The following BEAN1 variants were observed in gnomAD, a reference collection of about 807,000 sequenced individuals.
BEAN1 encodes the protein brain expressed associated with NEDD4 1, also known as protein BEAN1.
A neutral mutation model predicts 17.7 loss-of-function variants in BEAN1; 17 were observed. The observed-to-expected ratio is 0.96, with a 90% CI of 0.66 to 1.44. The LOEUF (loss-of-function observed/expected upper bound fraction) is 1.44, where lower values mean the gene tolerates loss of function less well. Among genes scored for constraint, BEAN1 ranks in the 40% most tolerant of loss-of-function variants. The probability of loss-of-function intolerance (pLI) is 0.00; values close to 1 mark genes in which losing one functional copy is unlikely to be tolerated. For missense variants in BEAN1, 359 were observed against 374.1 expected, an observed-to-expected ratio of 0.96 and a Z score of 0.33; for synonymous variants, 142 against 151.8, an observed-to-expected ratio of 0.94 and a Z score of 0.47.
chr16:66,494,960 C>T (rs996062260), downstream of BEAN1, among the ~76,000 whole-genome samples: 45 of 152,300 alleles, frequency 3.0e-4, no homozygotes, highest in African/African-American at 8.4e-4. Flanking sequence ...AACCCAGGGA[C>T]GGCCTCTAGG....
chr16:66,435,977 T>C (rs1007172352), intron 1 of BEAN1, among the ~76,000 whole-genome samples: 2 of 152,124 alleles, frequency 1.3e-5, no homozygotes, highest in Admixed American at 1.3e-4. Context: ...CAATTTGCTT[T>C]AGGGATGAGG....
intron 4 of BEAN1, among the ~76,000 whole-genome samples, chr16:66,488,591 G>A (rs528452382): frequency 6.6e-6 from 1 of 151,672 alleles, no homozygotes; most frequent in South Asian, 2.1e-4. Context: ...CCCAGCTACA[G>A]GGGAGGGTGG....
intron 2 of BEAN1, among the ~76,000 whole-genome samples, chr16:66,441,677 G>C (rs1366097430): frequency 6.6e-6 from 1 of 152,170 alleles, no homozygotes; most frequent in Non-Finnish European, 1.5e-5. Context: ...GTCAGTGCAC[G>C]TGAGGTCTGG....
chr16:66,466,578 G>GTTTTTT (rs1963267532), intron 2 of BEAN1, among the ~76,000 whole-genome samples: 1 of 152,104 alleles, frequency 6.6e-6, no homozygotes, highest in Middle Eastern at 3.4e-3. Flanking sequence ...TTTTGTTTTT[G>GTTTTTT]TTTTGAGATG....
chr16:66,442,917 T>C (rs1567486279), intron 2 of BEAN1, among the ~76,000 whole-genome samples: 1 of 152,114 alleles, frequency 6.6e-6, no homozygotes, highest in Non-Finnish European at 1.5e-5. Flanking sequence ...AGACCAGATG[T>C]TGGTGTTTTT....
chr16:66,480,718 C>T lies in BEAN1; in HGVS notation c.573C>T (p.Gly191=). ...ACTCAGGCAGCGGCCACAGCCCTGG[C>T]CGACACCAGCAGGAGCAGAGGACCC... ...TSDSGSGHSP[G]RHQQEQRTPA... Residue 191 remains glycine (G), a synonymous_variant, in exon 5 of 5, where the codon GGC becomes GGT. Transcript: ENST00000536005. The T allele has an allele frequency of 6.4e-7, 1 of 1,551,660 alleles. No homozygotes were observed.
rs917024906 is a variant in BEAN1, at chr16:66,434,690, T to A, written c.-82-2905T>A. On this transcript the variant is annotated intron_variant, in intron 1 of 4. Transcript: ENST00000536005. The surrounding 1 kb of genome is among the most constrained non-coding windows in gnomAD (Gnocchi z 4.3). ...GGAGGCAGGGAGTGGCAGCCCGGGT[T>A]ACTGTTGGCATCGTGGTCACCAATG... Among the ~76,000 whole-genome samples the A allele has an allele frequency of 6.6e-6, 1 of 152,056 alleles. No individual in the cohort carries two copies. Among genetic ancestry groups the A allele is most frequent in the African/African-American group, 2.4e-5 (1 of 41,398 alleles).
chr16:66,444,797 G>A (rs1172883743), intron 2 of BEAN1, among the ~76,000 whole-genome samples: 2 of 152,144 alleles, frequency 1.3e-5, no homozygotes, highest in Admixed American at 1.3e-4. Context: ...GGGAGGTGGG[G>A]GCTTGAGCTA....
At chr16:66,467,756 A>G (rs1963307640) in intron 2 of BEAN1, among the ~76,000 whole-genome samples, 1 of 152,212 alleles carries the variant, frequency 6.6e-6, no homozygotes, top group Non-Finnish European at 1.5e-5. Context: ...AGCGTCTTAC[A>G]GTGAACTTCA....
At position 66,469,660 on chromosome 16, in the gene BEAN1, C is replaced by G; in HGVS notation, c.84C>G (p.His28Gln). 2 of 1,535,966 alleles carry G rather than the reference C, an allele frequency of 1.3e-6. No individual in the cohort carries two copies. The highest frequency in any genetic ancestry group is 1.7e-6 in the Non-Finnish European group (2 of 1,146,750). ...FYPTFSESSEHSHLLVSPVLV... is the reference protein window; with the variant it reads ...FYPTFSESSEQSHLLVSPVLV... ...CCACATTCTCAGAGAGCTCGGAGCA[C>G]AGCCATCTGCTCGTGTCCCCCGTGC... The change falls in exon 3 of 5, where the codon CAC (histidine) becomes CAG (glutamine). Residue 28 changes from histidine (H) to glutamine (Q), a missense_variant. Transcript: ENST00000536005.
Position 66,480,798 on chromosome 16 carries a change from C to T in BEAN1, c.653C>T (p.Ala218Val), listed in dbSNP as rs1318567211. The T allele has an allele frequency of 2.6e-6, 4 of 1,549,072 alleles. No homozygotes were observed. Among genetic ancestry groups the T allele is most frequent in the Admixed American group, 2.0e-5 (1 of 50,838 alleles). Residue 218 changes from alanine to valine, a missense_variant, in exon 5 of 5, where the codon GCT becomes GTT. Coordinates refer to ENST00000536005, the MANE Select transcript of BEAN1 (RefSeq NM_001178020.3). ...VSMDTLPPYE[A>V]VCGAGPPSGL... ...ATGGACACCCTTCCCCCCTACGAGG[C>T]TGTGTGCGGGGCTGGCCCCCCATCA... is the stretch of plus-strand genomic sequence containing the variant.
chr16:66,429,669 C>T (rs927249199), intron 1 of BEAN1, among the ~76,000 whole-genome samples: 2 of 152,120 alleles, frequency 1.3e-5, no homozygotes, highest in Non-Finnish European at 2.9e-5. Context: ...GCCTCCTACA[C>T]GGAATCTCCC....
chr16:66,433,172 A>G (rs1363227764), intron 1 of BEAN1, among the ~76,000 whole-genome samples: 1 of 151,948 alleles, frequency 6.6e-6, no homozygotes, highest in African/African-American at 2.4e-5. Flanking sequence ...GCAGTAGTGC[A>G]ATCTTGGCTC....
intron 2 of BEAN1, among the ~76,000 whole-genome samples, chr16:66,468,109 G>T (rs528843665): frequency 6.6e-6 from 1 of 152,138 alleles, no homozygotes; most frequent in South Asian, 2.1e-4. Context: ...GGCCACCCAC[G>T]CTCTCCTTGA....
chr16:66,444,500 A>G (rs1962372538), intron 2 of BEAN1, among the ~76,000 whole-genome samples: 2 of 152,158 alleles, frequency 1.3e-5, no homozygotes, highest in Non-Finnish European at 2.9e-5. Flanking sequence ...GGGGAGGAAG[A>G]CAGAGAGAGT....
downstream of BEAN1, chr16:66,485,321 CACTT>C: frequency 2.8e-6 from 1 of 357,774 alleles, no homozygotes; most frequent in South Asian, 2.1e-5. Context: ...GTGCCCTTCT[CACTT>C]AGAGCTTGTG....
At chr16:66,433,328 C>G (rs929780716) in intron 1 of BEAN1, among the ~76,000 whole-genome samples, 27 of 152,146 alleles carry the variant, frequency 1.8e-4, no homozygotes, top group Non-Finnish European at 3.2e-4. Context: ...CCAGGCTGGT[C>G]TCCTAACTCC....
At position 66,440,123 on chromosome 16, in the gene BEAN1, CTTTTTTTTT is replaced by C. The variant is rs386384954; in HGVS notation, c.25+2438_25+2446del. Among the ~76,000 whole-genome samples, 7 of 75,370 alleles carry C rather than the reference CTTTTTTTTT, an allele frequency of 9.3e-5. No individual in the cohort carries two copies. In the South Asian group the frequency reaches 3.3e-3, roughly 35 times the overall value. The allele number at this position is 75,370 out of a possible 152,430, so 49.4% of individuals were successfully genotyped here. On this transcript the variant is annotated intron_variant, in intron 2 of 4. Coordinates refer to ENST00000536005, the MANE Select transcript of BEAN1 (RefSeq NM_001178020.3). ...CTGCGTCTCACCCTGTTGGGTACTTCTTTTTTTTTTTTTTTTTTTTTTTTGAGATGGAGT... is the reference window on the plus strand; with the variant it reads ...CTGCGTCTCACCCTGTTGGGTACTTCTTTTTTTTTTTTTTTGAGATGGAGT...
downstream of BEAN1, chr16:66,482,842 A>G: frequency 2.2e-6 from 1 of 455,798 alleles, no homozygotes; most frequent in Non-Finnish European, 4.4e-6. Flanking sequence ...CAGAGAGTGC[A>G]TAAGGTTCCT....
Sources: gnomAD v4.1 joint callset for allele counts (sites outside exome capture counted in the v4.1 genomes callset) on GRCh38, gnomAD v4.1.1 for gene constraint, Gnocchi (gnomAD v3.1) non-coding constraint, MANE v1.5 for transcripts, NCBI Gene and HGNC (gene_info 2026-07-23, HGNC 2026-07-21) for gene names.